SERGEF: variants seen among roughly 807,000 people sequenced by gnomAD.
SERGEF encodes the protein secretion regulating guanine nucleotide exchange factor.
Under a neutral mutation model 50.0 loss-of-function variants are expected in SERGEF, and 51 were observed. The ratio of observed to expected loss-of-function variants is 1.02; its 90% CI spans 0.81 to 1.29. The LOEUF is 1.29. Ranked by LOEUF, SERGEF falls within the 50% of genes most tolerant of loss-of-function variation. The pLI, the probability that SERGEF is intolerant of heterozygous loss-of-function variation, is 0.00. For synonymous variants in SERGEF, 205 were observed against 212.4 expected, an observed-to-expected ratio of 0.97 and a Z score of 0.30; for missense variants, 521 against 557.0, an observed-to-expected ratio of 0.94 and a Z score of 0.65.
chr11:18,006,285 A>G (rs1194191438), intron 3 of SERGEF, among the ~76,000 whole-genome samples: 2 of 152,140 alleles, frequency 1.3e-5, no homozygotes, highest in Non-Finnish European at 2.9e-5. Context: ...CGGCCTCCCA[A>G]ATAGCTGGGA....
chr11:17,830,649 GGAGAGAGAGAGA>G (rs55967425), intron 10 of SERGEF, among the ~76,000 whole-genome samples: 1 of 77,726 alleles, frequency 1.3e-5, no homozygotes, highest in South Asian at 7.2e-4. Context: ...GGAGAGGGAG[GGAGAGAGAGAGA>G]GAGAGAGAGA....
intron 10 of SERGEF, among the ~76,000 whole-genome samples, chr11:17,849,650 G>T (rs768667129): frequency 6.6e-6 from 1 of 152,094 alleles, no homozygotes; most frequent in African/African-American, 2.4e-5. Context: ...ATGTGCTGAG[G>T]ACCTACTCTG....
rs1854119328 is a variant in SERGEF at position 18,008,004 on chromosome 11, A to G, written c.133T>C (p.Phe45Leu). The G allele has an allele frequency of 6.2e-7, 1 of 1,614,108 alleles. No individual in the cohort carries two copies. Among genetic ancestry groups the G allele is most frequent in the Non-Finnish European group, 8.5e-7 (1 of 1,179,968 alleles). ...DVLLPQQLND[F>L]CKPRSVRRIT... Reference sequence around the variant, plus strand: ...CTCCTGACACTCCTGGGTTTACAGAAGTCATTCAGTTGCTGGGGCAACAGC... The same window carrying G: ...CTCCTGACACTCCTGGGTTTACAGAGGTCATTCAGTTGCTGGGGCAACAGC... Residue 45 changes from phenylalanine to leucine, a missense_variant, in exon 2 of 11, where the codon TTC (phenylalanine) becomes CTC (leucine). Phe to Leu is a conservative substitution (Grantham distance 22). Coordinates refer to ENST00000265965, the MANE Select transcript of SERGEF (RefSeq NM_012139.4).
At chr11:17,918,625 GAC>G (rs141971282) in intron 9 of SERGEF, 45,427 of 303,440 alleles carry the variant, frequency 0.15, 2,001 homozygotes, top group Middle Eastern at 0.23. Flanking sequence ...AGCAGGAACA[GAC>G]ACACACACAC....
intron 9 of SERGEF, among the ~76,000 whole-genome samples, chr11:17,924,427 A>G (rs1016343139): frequency 6.6e-5 from 10 of 152,160 alleles, no homozygotes; most frequent in African/African-American, 2.4e-4. Flanking sequence ...TGGCTATAAG[A>G]AGGGTCTGTG....
chr11:17,892,442 G>T (rs1851549291), intron 9 of SERGEF, among the ~76,000 whole-genome samples: 1 of 152,148 alleles, frequency 6.6e-6, no homozygotes, highest in Non-Finnish European at 1.5e-5. Context: ...ACAGTGCTGA[G>T]CCACTCCCAG....
At chr11:17,994,167 C>A (rs553279056) in intron 6 of SERGEF, among the ~76,000 whole-genome samples, 1 of 152,174 alleles carries the variant, frequency 6.6e-6, no homozygotes, top group African/African-American at 2.4e-5. Context: ...GAAGTTAATG[C>A]AGTGAACACT....
At chr11:17,883,856 A>C (rs1287933293) in intron 9 of SERGEF, among the ~76,000 whole-genome samples, 3 of 152,214 alleles carry the variant, frequency 2.0e-5, no homozygotes, top group Non-Finnish European at 4.4e-5. Context: ...GCAAAGTGGC[A>C]ACAAAGTTCT....
intron 9 of SERGEF, among the ~76,000 whole-genome samples, chr11:17,882,911 A>C (rs750677290): frequency 2.0e-5 from 3 of 152,214 alleles, no homozygotes; most frequent in Non-Finnish European, 4.4e-5. Flanking sequence ...AGTCAGTTAC[A>C]GGAAACAGGA....
chr11:18,005,034 G>A (rs1854045429), intron 3 of SERGEF, among the ~76,000 whole-genome samples: 1 of 152,180 alleles, frequency 6.6e-6, no homozygotes, highest in Non-Finnish European at 1.5e-5. Flanking sequence ...AAAGCCTAGA[G>A]ATTTGGGGGT....
chr11:18,012,792 TCCTCCGCTCCC>T (rs1051458008), intron 1 of SERGEF, 148 bp downstream of exon 1: 36 of 602,644 alleles, frequency 6.0e-5, no homozygotes, highest in South Asian at 7.8e-5. Flanking sequence ...CGCCCGCTCC[TCCTCCGCTCCC>T]CCTCCGCTCC....
rs773912693 is a variant in SERGEF, at chr11:17,959,460, C to T, written c.1011+10G>A. The T allele has an allele frequency of 6.2e-7, 1 of 1,610,318 alleles. No individual in the cohort carries two copies. The highest frequency in any genetic ancestry group is 8.5e-7 in the Non-Finnish European group (1 of 1,178,340). On this transcript the variant is annotated intron_variant, in intron 9 of 10. Transcript: ENST00000265965. ...GGGACAGATTACATCTGTGAGAAGTCACTTCCTACCTCAGTTGCTCCAGTT... is the reference window on the plus strand; with the variant it reads ...GGGACAGATTACATCTGTGAGAAGTTACTTCCTACCTCAGTTGCTCCAGTT...
intron 10 of SERGEF, among the ~76,000 whole-genome samples, chr11:17,844,882 C>T (rs1850574925): frequency 6.7e-6 from 1 of 149,474 alleles, no homozygotes; most frequent in Admixed American, 6.7e-5. Flanking sequence ...AGTACACTAA[C>T]AACAGCTAAT....
intron 9 of SERGEF, among the ~76,000 whole-genome samples, chr11:17,941,115 C>T (rs890429715): frequency 6.6e-6 from 1 of 152,216 alleles, no homozygotes; most frequent in African/African-American, 2.4e-5. Flanking sequence ...AGCCATCCCT[C>T]TCTCTATTCA....
chr11:17,893,163 C>T (rs1167860974), intron 9 of SERGEF, among the ~76,000 whole-genome samples: 1 of 152,164 alleles, frequency 6.6e-6, no homozygotes, highest in Non-Finnish European at 1.5e-5. Context: ...TTCTCTTTAT[C>T]TGTACAGAAC....
chr11:17,918,565 G>A (rs978825865), intron 9 of SERGEF: 2 of 282,360 alleles, frequency 7.1e-6, no homozygotes, highest in East Asian at 1.3e-4. Flanking sequence ...GGTGCTGTAG[G>A]TGAAAATGTC....
intron 1 of SERGEF, among the ~76,000 whole-genome samples, chr11:18,011,117 C>G (rs563230637): frequency 6.8e-6 from 1 of 147,432 alleles, no homozygotes; most frequent in African/African-American, 2.6e-5. Context: ...CCAGACATAT[C>G]ACACGTGCAC....
intron 9 of SERGEF, among the ~76,000 whole-genome samples, chr11:17,953,256 A>T (rs888540874): frequency 3.9e-5 from 6 of 152,196 alleles, no homozygotes; most frequent in African/African-American, 1.4e-4. Context: ...CAAGCTCCTA[A>T]GGCAGAAACT....
chr11:17,853,098 A>G (rs759093514), intron 10 of SERGEF, among the ~76,000 whole-genome samples: 2 of 152,122 alleles, frequency 1.3e-5, no homozygotes, highest in African/African-American at 4.8e-5. Context: ...TAATTGTGTG[A>G]CCCTAGGCAA....
Sources: gnomAD v4.1 joint callset for allele counts (sites outside exome capture counted in the v4.1 genomes callset) on GRCh38, gnomAD v4.1.1 for gene constraint, MANE v1.5 for transcripts, NCBI Gene and HGNC (gene_info 2026-07-23, HGNC 2026-07-21) for gene names.